ACACA: variants seen among roughly 807,000 people sequenced by gnomAD.
ACACA encodes acetyl-CoA carboxylase 1.
Under a neutral mutation model 296.1 loss-of-function variants are expected in ACACA, and 103 were observed. The observed-to-expected ratio is 0.35, with a 90% CI of 0.30 to 0.41. The LOEUF is 0.41. Ranked by LOEUF, ACACA falls within the 10% of genes least tolerant of loss-of-function variation. The pLI is 1.00. For missense variants in ACACA, 1,554 were observed against 2,989.7 expected (o/e 0.52, Z 11.20); for synonymous variants, 953 against 1,038.6 (o/e 0.92, Z 1.58).
intron 3 of ACACA, among the ~76,000 whole-genome samples, chr17:37,322,644 C>A (rs552389808): frequency 6.6e-6 from 1 of 152,242 alleles, no homozygotes; most frequent in African/African-American, 2.4e-5. Context: ...CCACAGCAGG[C>A]ACAGACACAA....
At position 37,270,738 on chromosome 17, in the gene ACACA, G is replaced by A; in HGVS notation, c.1119+13C>T. On this transcript the variant is annotated intron_variant, in intron 10 of 55. Coordinates refer to ENST00000616317, the MANE Select transcript of ACACA (RefSeq NM_198834.3). ...ATGTTAGTTCAAACAAACAAAAACA[G>A]CTTATACTCTACCTGTCTGAAGAGA... 2.5e-6 allele frequency: 4 copies of A among 1,589,102 alleles called. No homozygotes were observed. Among genetic ancestry groups the A allele is most frequent in the Non-Finnish European group, 3.5e-6 (4 of 1,157,478 alleles).
intron 3 of ACACA, among the ~76,000 whole-genome samples, chr17:37,307,849 A>G (rs2083953439): frequency 6.6e-6 from 1 of 152,078 alleles, no homozygotes; most frequent in African/African-American, 2.4e-5. Flanking sequence ...TGGCCTCCCA[A>G]GGTGGTAAGA....
chr17:37,225,605 T>A (rs967696877), intron 26 of ACACA: 2 of 183,226 alleles, frequency 1.1e-5, no homozygotes, highest in Non-Finnish European at 2.3e-5. Flanking sequence ...CACCAGTGTG[T>A]GTGAGGGGCA....
At chr17:37,112,839 G>A (rs1449166020) in intron 51 of ACACA, among the ~76,000 whole-genome samples, 1 of 152,198 alleles carries the variant, frequency 6.6e-6, no homozygotes, top group African/African-American at 2.4e-5. Context: ...TATTTAGGTA[G>A]TTTCAGGTAC....
intron 45 of ACACA, among the ~76,000 whole-genome samples, chr17:37,133,288 C>G (rs1281417766): frequency 1.3e-5 from 2 of 152,200 alleles, no homozygotes; most frequent in Non-Finnish European, 2.9e-5. Flanking sequence ...CAGTACCCTC[C>G]AGTTCATCTT....
At chr17:37,211,068 TA>T (rs2078727966) in intron 29 of ACACA, among the ~76,000 whole-genome samples, 1 of 152,126 alleles carries the variant, frequency 6.6e-6, no homozygotes, top group African/African-American at 2.4e-5. Flanking sequence ...TTTTTAACCA[TA>T]CTCTTCCTCC....
chr17:37,229,225 T>C (rs996594210), intron 25 of ACACA, among the ~76,000 whole-genome samples: 1 of 152,034 alleles, frequency 6.6e-6, no homozygotes, highest in Admixed American at 6.5e-5. Context: ...AAAAGAAATA[T>C]AGGTTTACCT....
chr17:37,245,329 G>GA (rs2080641249), intron 19 of ACACA, 115 bp from the exon 20 acceptor site: 8 of 1,019,470 alleles, frequency 7.8e-6, no homozygotes, highest in Non-Finnish European at 8.9e-6. Flanking sequence ...ATTTGACCAA[G>GA]AAAAAATGGG....
At chr17:37,201,413 G>A (rs1011945146) in intron 33 of ACACA, among the ~76,000 whole-genome samples, 2 of 151,302 alleles carry the variant, frequency 1.3e-5, no homozygotes, top group African/African-American at 4.9e-5. Context: ...CAGCCTGGGT[G>A]ACAGAATGAG....
intron 3 of ACACA, among the ~76,000 whole-genome samples, chr17:37,298,035 G>A (rs11649798): frequency 2.4e-4 from 36 of 152,100 alleles, no homozygotes; most frequent in Non-Finnish European, 4.9e-4. Context: ...ATATCTCCCT[G>A]CAACCTCAAA....
intron 2 of ACACA, among the ~76,000 whole-genome samples, chr17:37,330,812 A>C (rs796982893): frequency 4.6e-5 from 7 of 152,332 alleles, no homozygotes; most frequent in African/African-American, 1.7e-4. Context: ...AATAAATGGT[A>C]AGGGTCTGGA....
At chr17:37,194,587 T>C (rs1191434963) in intron 35 of ACACA, among the ~76,000 whole-genome samples, 1 of 152,126 alleles carries the variant, frequency 6.6e-6, no homozygotes, top group African/African-American at 2.4e-5. Context: ...ATTTAGAGGA[T>C]TTCTCTTTGA....
chr17:37,129,257 C>A, intron 47 of ACACA, 108 bp downstream of exon 47: 3 of 1,475,714 alleles, frequency 2.0e-6, no homozygotes, highest in African/African-American at 1.4e-5. Context: ...TAGGTACTTA[C>A]CTCTGTTTTC....
At chr17:37,355,619 G>A (rs1233937964) in intron 1 of ACACA, among the ~76,000 whole-genome samples, 1 of 151,982 alleles carries the variant, frequency 6.6e-6, no homozygotes, top group Non-Finnish European at 1.5e-5. Context: ...AATTTGGGAG[G>A]CTGAGGTGGG....
intron 42 of ACACA, 31 bp downstream of exon 42, chr17:37,161,750 C>T: frequency 6.2e-7 from 1 of 1,604,452 alleles, no homozygotes. Context: ...CCATATAGCA[C>T]CTTGAAGTAG....
intron 52 of ACACA, among the ~76,000 whole-genome samples, chr17:37,107,534 G>T (rs2073758919): frequency 1.3e-5 from 2 of 152,216 alleles, no homozygotes; most frequent in Non-Finnish European, 2.9e-5. Context: ...AAGGCATGGT[G>T]GGTGTGGGCA....
intron 19 of ACACA, among the ~76,000 whole-genome samples, chr17:37,246,591 C>A (rs958680483): frequency 6.6e-6 from 1 of 151,984 alleles, no homozygotes; most frequent in African/African-American, 2.4e-5. Flanking sequence ...TGCCACTGTA[C>A]GCCGCTAATT....
intron 50 of ACACA, among the ~76,000 whole-genome samples, chr17:37,119,963 G>A (rs1318903507): frequency 6.7e-6 from 1 of 150,338 alleles, no homozygotes; most frequent in Non-Finnish European, 1.5e-5. Context: ...TGCAATCTCG[G>A]CTCACTGCAA....
chr17:37,314,341 C>T (rs1452145527), intron 3 of ACACA, among the ~76,000 whole-genome samples: 3 of 151,960 alleles, frequency 2.0e-5, no homozygotes, highest in African/African-American at 7.3e-5. Context: ...CCTCGTGATC[C>T]GCCCGCCTCA....
Sources: gnomAD v4.1 joint callset for allele counts (sites outside exome capture counted in the v4.1 genomes callset) on GRCh38, gnomAD v4.1.1 for gene constraint, MANE v1.5 for transcripts, NCBI Gene and HGNC (gene_info 2026-07-23, HGNC 2026-07-21) for gene names.